NRXN3: variants seen among roughly 807,000 people sequenced by gnomAD.
NRXN3 encodes the protein neurexin 3.
NRXN3 carries 32 observed loss-of-function variants against 137.6 expected under a neutral mutation model. The observed-to-expected ratio is 0.23, with a 90% CI of 0.18 to 0.31. The LOEUF (loss-of-function observed/expected upper bound fraction) is 0.31. NRXN3 is among the 10% of genes least tolerant of loss of function. NRXN3 has a pLI of 1.00. For synonymous variants in NRXN3, 798 were observed against 784.5 expected, an observed-to-expected ratio of 1.02 and a Z score of -0.29; for missense variants, 1,574 against 2,062.5, an observed-to-expected ratio of 0.76 and a Z score of 4.59.
At chr14:78,339,239 C>T (rs1289329545) in intron 4 of NRXN3, among the ~76,000 whole-genome samples, 2 of 152,134 alleles carry the variant, frequency 1.3e-5, no homozygotes, top group East Asian at 1.9e-4. Flanking sequence ...AATATATTTT[C>T]GCATGGGAGC....
rs529578646 is a variant in NRXN3, at chr14:78,591,042, C to T, written c.758-54078C>T. ...AAAAAGAGGTGAGGGCACAGTGATGCGTAGAGACCCCTGGCTTTAATTATC... is the reference window on the plus strand; with the variant it reads ...AAAAAGAGGTGAGGGCACAGTGATGTGTAGAGACCCCTGGCTTTAATTATC... On this transcript the variant is annotated intron_variant, in intron 4 of 20. Coordinates refer to ENST00000335750, the MANE Select transcript of NRXN3 (RefSeq NM_001330195.2). Among the ~76,000 whole-genome samples the T allele has an allele frequency of 1.1e-4, 17 of 152,280 alleles. 1 individual carries two copies. In the South Asian group the frequency reaches 2.5e-3, roughly 22 times the overall value.
intron 19 of NRXN3, among the ~76,000 whole-genome samples, chr14:79,724,950 G>T (rs1256628891): frequency 6.6e-6 from 1 of 152,120 alleles, no homozygotes. Flanking sequence ...ATGAAAAAAA[G>T]AGGAATTTAA....
rs139563287 is a variant in NRXN3 at position 78,814,904 on chromosome 14, G to A, written c.2275+4560G>A. Among the ~76,000 whole-genome samples the A allele has an allele frequency of 1.9e-3, 291 of 152,246 alleles. 2 individuals carry two copies. Among genetic ancestry groups the A allele is most frequent in the African/African-American group, 6.8e-3 (282 of 41,534 alleles). Reference sequence around the variant, plus strand: ...GCCATGTGCAGTATGAATGAATATAGAGAACTAATAATAATTAAATATATG... The same window carrying A: ...GCCATGTGCAGTATGAATGAATATAAAGAACTAATAATAATTAAATATATG... On this transcript the variant is annotated intron_variant, in intron 10 of 20. Transcript: ENST00000335750.
intron 15 of NRXN3, among the ~76,000 whole-genome samples, chr14:79,464,018 C>T (rs191821775): frequency 6.2e-4 from 95 of 152,050 alleles, no homozygotes; most frequent in Admixed American, 6.0e-3. Context: ...AAAATTAACA[C>T]GAAGTATGTA....
intron 4 of NRXN3, among the ~76,000 whole-genome samples, chr14:78,541,887 G>A (rs1326366320): frequency 6.6e-6 from 1 of 152,208 alleles, no homozygotes; most frequent in East Asian, 1.9e-4. Context: ...TCAGCTGCAG[G>A]TCTATTGGAG....
intron 3 of NRXN3, among the ~76,000 whole-genome samples, chr14:78,278,977 T>C (rs2074012469): frequency 6.6e-6 from 1 of 152,240 alleles, no homozygotes; most frequent in Non-Finnish European, 1.5e-5. Context: ...TATTCTCCAA[T>C]TTAATGAACA....
chr14:78,301,950 A>G (rs555045848), intron 4 of NRXN3, among the ~76,000 whole-genome samples: 1 of 152,232 alleles, frequency 6.6e-6, no homozygotes, highest in East Asian at 1.9e-4. Flanking sequence ...CTAAGTTGGT[A>G]TCTTTTGAAA....
intron 10 of NRXN3, among the ~76,000 whole-genome samples, chr14:78,906,806 A>G (rs1032370316): frequency 6.6e-6 from 1 of 151,938 alleles, no homozygotes; most frequent in Admixed American, 6.6e-5. Flanking sequence ...ATTCAGGCTT[A>G]CATATAGCCA....
chr14:79,764,161 TGG>T (rs201132937), intron 19 of NRXN3, among the ~76,000 whole-genome samples: 1 of 81,776 alleles, frequency 1.2e-5, no homozygotes, highest in Admixed American at 1.2e-4. Context: ...TTTCTTTTGG[TGG>T]GTGGGGGGGG....
intron 16 of NRXN3, among the ~76,000 whole-genome samples, chr14:79,551,048 G>A (rs937911148): frequency 1.3e-5 from 2 of 152,114 alleles, no homozygotes; most frequent in African/African-American, 4.8e-5. Flanking sequence ...TTATCAACTG[G>A]GTCGGCCTTG....
At chr14:78,440,018 C>T (rs893736289) in intron 4 of NRXN3, among the ~76,000 whole-genome samples, 2 of 152,190 alleles carry the variant, frequency 1.3e-5, no homozygotes, top group Non-Finnish European at 2.9e-5. Flanking sequence ...GGGCATTGCC[C>T]GCATTCCCCA....
intron 4 of NRXN3, among the ~76,000 whole-genome samples, chr14:78,419,946 C>T (rs553168966): frequency 3.2e-3 from 20 of 6,220 alleles, no homozygotes; most frequent in South Asian, 0.036. Context: ...CACGTGTGTG[C>T]GCGCGCGCGC....
intron 16 of NRXN3, among the ~76,000 whole-genome samples, chr14:79,520,102 C>A (rs2097048234): frequency 1.3e-5 from 2 of 151,858 alleles, no homozygotes; most frequent in Non-Finnish European, 2.9e-5. Flanking sequence ...AATTCTGACA[C>A]CTTCATTGCG....
chr14:79,054,265 G>C (rs1976436), intron 15 of NRXN3, among the ~76,000 whole-genome samples: 150,200 of 151,596 alleles, frequency 0.99, 74,432 homozygotes, highest in Middle Eastern at 1. Context: ...ACATATGTAA[G>C]AAACCTGCAC....
At chr14:78,939,517 C>T (rs1162755022) in intron 10 of NRXN3, among the ~76,000 whole-genome samples, 1 of 152,176 alleles carries the variant, frequency 6.6e-6, no homozygotes, top group East Asian at 1.9e-4. Context: ...GAAAGGGATA[C>T]AACAGCTGGG....
intron 16 of NRXN3, among the ~76,000 whole-genome samples, chr14:79,530,022 T>G (rs185666644): frequency 6.6e-6 from 1 of 152,306 alleles, no homozygotes; most frequent in Non-Finnish European, 1.5e-5. Flanking sequence ...TTTTCTGTAG[T>G]CCAGAATGGA....
chr14:78,873,684 T>C (rs2099106682), intron 10 of NRXN3, among the ~76,000 whole-genome samples: 1 of 152,176 alleles, frequency 6.6e-6, no homozygotes, highest in Non-Finnish European at 1.5e-5. Flanking sequence ...GATAAAGAGA[T>C]GGTTCGTATG....
chr14:78,510,556 A>C (rs895197137), intron 4 of NRXN3, among the ~76,000 whole-genome samples: 1 of 152,216 alleles, frequency 6.6e-6, no homozygotes, highest in Non-Finnish European at 1.5e-5. Context: ...GCTAGATGAC[A>C]AAAAGGAAAT....
chr14:79,641,933 G>A lies in NRXN3; in HGVS notation c.3445-21845G>A, dbSNP rs1342167629. On this transcript the variant is annotated intron_variant, in intron 16 of 20. Coordinates refer to ENST00000335750, the MANE Select transcript of NRXN3 (RefSeq NM_001330195.2). The stretch of plus-strand genomic sequence containing the variant: ...TGCTTAGATGTCTATACTCAGAAAA[G>A]TTACTATGTGGTTTTTCTTTATGGG... 2.2e-5 allele frequency among the ~76,000 whole-genome samples: 3 copies of A among 135,362 alleles called. 1 individual carries two copies. Among genetic ancestry groups the A allele is most frequent in the African/African-American group, 7.4e-5 (3 of 40,662 alleles). The allele number at this position is 135,362 out of a possible 152,430, so 88.8% of individuals were successfully genotyped here.
Sources: gnomAD v4.1 joint callset for allele counts (sites outside exome capture counted in the v4.1 genomes callset) on GRCh38, gnomAD v4.1.1 for gene constraint, MANE v1.5 for transcripts, NCBI Gene and HGNC (gene_info 2026-07-23, HGNC 2026-07-21) for gene names.